The following ECSIT variants were observed in gnomAD, a reference collection of about 807,000 sequenced individuals.
The protein encoded by ECSIT is ECSIT signaling integrator.
A neutral mutation model predicts 36.8 loss-of-function variants in ECSIT; 29 were observed. That is an observed-to-expected ratio of 0.79 (90% CI 0.59 to 1.08). The LOEUF (loss-of-function observed/expected upper bound fraction) is 1.08. Ranked by LOEUF, ECSIT falls within the 50% of genes least tolerant of loss-of-function variation. The probability of loss-of-function intolerance (pLI) is 0.00; values close to 1 mark genes in which losing one functional copy is unlikely to be tolerated. For synonymous variants in ECSIT, 231 were observed against 234.8 expected (o/e 0.98, Z 0.15); for missense variants, 542 against 581.0 (o/e 0.93, Z 0.69).
At chr19:11,506,529 CT>C (rs71166605) in intron 7 of ECSIT, 101 bp from the exon 8 acceptor site, 148,201 of 672,742 alleles carry the variant, frequency 0.22, 276 homozygotes, top group Non-Finnish European at 0.23. Flanking sequence ...CTTCCACTTC[CT>C]TTTTTTTTTT....
chr19:11,506,465 G>C (rs1338901605), intron 7 of ECSIT, 37 bp from the exon 8 acceptor site: 1 of 1,579,832 alleles, frequency 6.3e-7, no homozygotes, highest in South Asian at 1.1e-5. Context: ...TTTGCACAGT[G>C]GGGGCTGCAG....
rs145875239 is a variant in ECSIT, at chr19:11,520,771, G to A, written c.-23-1578C>T. Among the ~76,000 whole-genome samples, 1,189 of 148,206 alleles carry A rather than the reference G, an allele frequency of 8.0e-3. 12 individuals carry two copies. Among genetic ancestry groups the A allele is most frequent in the Non-Finnish European group, 0.012 (812 of 67,180 alleles). The stretch of plus-strand genomic sequence containing the variant: ...TGTGATCCGTCCGCCTCAGCCTCCC[G>A]AAGTGCTGGGATTATAGTCGTGAGC... On this transcript the variant is annotated intron_variant, in intron 1 of 7. Transcript: ENST00000270517.
rs1048401711 is a variant in ECSIT at position 11,505,941 on chromosome 19, A to G, written c.*243T>C. 6.7e-6 allele frequency: 6 copies of G among 890,462 alleles called. No homozygotes were observed. In the African/African-American group the frequency reaches 6.9e-5, roughly 10 times the overall value. 55.2% of individuals were successfully genotyped at this position (890,462 alleles called of 1,614,324 possible). A position where few individuals can be genotyped will look rare whatever the true frequency, so the allele number is the denominator to read the frequency against. On this transcript the variant is annotated 3_prime_UTR_variant, in exon 8 of 8. Coordinates refer to ENST00000270517, the MANE Select transcript of ECSIT (RefSeq NM_016581.5). ...TGGAAACTGCGCATGCGCACAACCA[A>G]CAGCGCTCCCGCCCCTTTTTATTTG...
rs1357583235 is a variant in ECSIT, at chr19:11,519,046, A to C, written c.96+29T>G. On this transcript the variant is annotated intron_variant, in intron 2 of 7. Coordinates refer to ENST00000270517, the MANE Select transcript of ECSIT (RefSeq NM_016581.5). The surrounding 1 kb of genome is among the most constrained non-coding windows in gnomAD (Gnocchi z 4.4). ...GCAAATCCCAAGCTTACCTCCCTCT[A>C]CCCAAAAGACTGCCTGGCTGGTGCT... 2 of 1,538,804 alleles carry C rather than the reference A, an allele frequency of 1.3e-6. No individual in the cohort carries two copies. The highest frequency in any genetic ancestry group is 2.0e-5 in the Admixed American group (1 of 50,982).
chr19:11,512,041 C>A (rs932416559), intron 4 of ECSIT, among the ~76,000 whole-genome samples: 9 of 148,944 alleles, frequency 6.0e-5, no homozygotes, highest in South Asian at 2.1e-4. Flanking sequence ...AAAAAAAAAA[C>A]AAACAAACAA....
chr19:11,513,326 AG>A, intron 3 of ECSIT, 47 bp from the exon 4 acceptor site: 2 of 1,478,928 alleles, frequency 1.4e-6, no homozygotes, highest in Non-Finnish European at 1.9e-6. Flanking sequence ...GAGGGGGAGG[AG>A]GGAAGGGAAG....
At chr19:11,520,299 G>C (rs1167842848) in intron 1 of ECSIT, among the ~76,000 whole-genome samples, 1 of 151,984 alleles carries the variant, frequency 6.6e-6, no homozygotes, top group Non-Finnish European at 1.5e-5. Context: ...AGCATCCCGA[G>C]TAGCTGGGAT....
chr19:11,512,947 A>C, intron 4 of ECSIT, 109 bp downstream of exon 4: 1 of 1,166,064 alleles, frequency 8.6e-7, no homozygotes, highest in South Asian at 1.2e-5. Context: ...TGTCTCAAAA[A>C]AGAACTTGAT....
intron 2 of ECSIT, among the ~76,000 whole-genome samples, chr19:11,516,927 G>A (rs991778915): frequency 9.2e-5 from 14 of 152,084 alleles, no homozygotes; most frequent in African/African-American, 3.4e-4. Flanking sequence ...GCTGAAGTAG[G>A]CAGATCAATT....
intron 7 of ECSIT, 100 bp from the exon 8 acceptor site, chr19:11,506,528 CCTT>C (rs1971744194): frequency 6.0e-6 from 6 of 1,004,586 alleles, no homozygotes; most frequent in East Asian, 3.2e-5. Flanking sequence ...CCTTCCACTT[CCTT>C]TTTTTTTTTT....
At chr19:11,528,644 T>A (rs1445207365) in intron 1 of ECSIT, 2 of 152,166 alleles carry the variant, frequency 1.3e-5, no homozygotes, top group African/African-American at 2.4e-5. Flanking sequence ...GGACAGTGCC[T>A]GGTATATGAC....
chr19:11,506,529 C>CTTTT lies in ECSIT; in HGVS notation c.1052-105_1052-102dup, dbSNP rs71166605. 2.9e-3 allele frequency: 1,945 copies of CTTTT among 677,106 alleles called. 38 individuals are homozygous for CTTTT. The highest frequency in any genetic ancestry group is 0.018 in the African/African-American group (538 of 30,226). 41.9% of individuals were successfully genotyped at this position (677,106 alleles called of 1,614,324 possible). On this transcript the variant is annotated intron_variant, in intron 7 of 7. Coordinates refer to ENST00000270517, the MANE Select transcript of ECSIT (RefSeq NM_016581.5). ...GGTATTTTACACTCCCTTCCACTTC[C>CTTTT]TTTTTTTTTTTTTTTTTTTTTTTGA...
Position 11,521,358 on chromosome 19 carries a change from T to C in ECSIT, c.-23-2165A>G, listed in dbSNP as rs760295582. On this transcript the variant is annotated intron_variant, in intron 1 of 7. Transcript: ENST00000270517. ...CATTTTTAGGAACTGCCAGACTGTTTTTGGGGATGACTGCACCATTTCACA... is the reference window on the plus strand; with the variant it reads ...CATTTTTAGGAACTGCCAGACTGTTCTTGGGGATGACTGCACCATTTCACA... 3.9e-4 allele frequency among the ~76,000 whole-genome samples: 59 copies of C among 152,164 alleles called. 1 individual carries two copies. Among genetic ancestry groups the C allele is most frequent in the Admixed American group, 1.3e-4 (2 of 15,262 alleles).
In ECSIT at chr19:11,506,105, C is replaced by T. The variant is rs1971728275; in HGVS notation, c.*79G>A. ...CCCCAAGCAGGAAAACATTGATTTGCTGTACACTCAAAGGGCATCTCATGC... is the reference window on the plus strand; with the variant it reads ...CCCCAAGCAGGAAAACATTGATTTGTTGTACACTCAAAGGGCATCTCATGC... On this transcript the variant is annotated 3_prime_UTR_variant, in exon 8 of 8. Coordinates refer to ENST00000270517, the MANE Select transcript of ECSIT (RefSeq NM_016581.5). 6.4e-7 allele frequency: 1 copy of T among 1,561,058 alleles called. No individual in the cohort carries two copies. The highest frequency in any genetic ancestry group is 8.6e-7 in the Non-Finnish European group (1 of 1,158,332).
At chr19:11,522,244 A>G in intron 1 of ECSIT, 1 of 616,406 alleles carries the variant, frequency 1.6e-6, no homozygotes. Flanking sequence ...CACCCACAAC[A>G]TGTACCAGGA....
chr19:11,516,137 C>T (rs1033133800), intron 2 of ECSIT: 1 of 152,194 alleles, frequency 6.6e-6, no homozygotes, highest in African/African-American at 2.4e-5. Context: ...TTTTGACCTG[C>T]TGTTTCCAAC....
intron 2 of ECSIT, 90 bp from the exon 3 acceptor site, chr19:11,514,311 T>G: frequency 7.8e-7 from 1 of 1,283,068 alleles, no homozygotes; most frequent in Non-Finnish European, 1.1e-6. Flanking sequence ...GAGGTCCCAG[T>G]GGCCTCCCTG....
At chr19:11,509,540 G>A (rs923983039) in intron 4 of ECSIT, among the ~76,000 whole-genome samples, 6 of 151,656 alleles carry the variant, frequency 4.0e-5, no homozygotes, top group Admixed American at 6.6e-5. Flanking sequence ...GGCCGAGGGT[G>A]GTGGATCACT....
intron 1 of ECSIT, among the ~76,000 whole-genome samples, chr19:11,527,704 A>C (rs1366231582): frequency 6.7e-6 from 1 of 150,174 alleles, no homozygotes; most frequent in Admixed American, 6.6e-5. Context: ...AAAATAAATA[A>C]ATAGCCAGGG....
Sources: gnomAD v4.1 joint callset for allele counts (sites outside exome capture counted in the v4.1 genomes callset) on GRCh38, gnomAD v4.1.1 for gene constraint, Gnocchi (gnomAD v3.1) non-coding constraint, MANE v1.5 for transcripts, NCBI Gene and HGNC (gene_info 2026-07-23, HGNC 2026-07-21) for gene names.